Variants in PRDM16 observed in about 807,000 individuals in gnomAD.
PRDM16 encodes the protein PR/SET domain 16.
A neutral mutation model predicts 110.6 loss-of-function variants in PRDM16; 23 were observed. The ratio of observed to expected loss-of-function variants is 0.21; its 90% CI spans 0.15 to 0.29. The LOEUF (loss-of-function observed/expected upper bound fraction) is 0.29. PRDM16 is among the 10% of genes least tolerant of loss of function. The pLI, the probability that PRDM16 is intolerant of heterozygous loss-of-function variation, is 1.00. For synonymous variants in PRDM16, 799 were observed against 781.8 expected (o/e 1.02, Z -0.37); for missense variants, 1,615 against 1,794.3 (o/e 0.90, Z 1.81).
rs72632110 is a variant in PRDM16 at position 3,245,502 on chromosome 1, C to T, written c.438+1365C>T. Among the ~76,000 whole-genome samples the T allele has an allele frequency of 0.043, 6,467 of 152,092 alleles. 154 individuals are homozygous for T. Among genetic ancestry groups the T allele is most frequent in the Middle Eastern group, 0.051 (15 of 294 alleles). Reference sequence around the variant, plus strand: ...CCGCAGTGACCCGCTGAAGGGCCTCCGGAAACTGGGTGAACTGGTTCCCGT... The same window carrying T: ...CCGCAGTGACCCGCTGAAGGGCCTCTGGAAACTGGGTGAACTGGTTCCCGT... On this transcript the variant is annotated intron_variant, in intron 3 of 16. Transcript: ENST00000270722. The surrounding 1 kb of genome is among the most constrained non-coding windows in gnomAD (Gnocchi z 4.7).
chr1:3,394,445 C>G (rs1426735659), intron 4 of PRDM16: 4 of 403,658 alleles, frequency 9.9e-6, no homozygotes, highest in African/African-American at 2.5e-5. Context: ...GGAGGATGCC[C>G]GAGGTCTCAC....
rs904354143 is a variant in PRDM16 at position 3,080,087 on chromosome 1, G to A, written c.37+10791G>A. On this transcript the variant is annotated intron_variant, in intron 1 of 16. Coordinates refer to ENST00000270722, the MANE Select transcript of PRDM16 (RefSeq NM_022114.4). This position sits in a 1 kb window ranked among gnomAD's most constrained non-coding sequence, Gnocchi z 5.2. ...CGGCAGCGATCTGGAGCACTTTTCC[G>A]CACGCTGTAACCCCTGAGAAGAAAC... Among the ~76,000 whole-genome samples, 6 of 152,206 alleles carry A rather than the reference G, an allele frequency of 3.9e-5. No homozygotes were observed. The East Asian group carries it at 9.6e-4, about 24-fold the overall frequency.
chr1:3,329,706 C>T (rs939871185), intron 3 of PRDM16, among the ~76,000 whole-genome samples: 2 of 152,236 alleles, frequency 1.3e-5, no homozygotes, highest in African/African-American at 4.8e-5. Context: ...GAGTGTGATT[C>T]TGGCTGTGGG....
chr1:3,364,456 A>G (rs1642773899), intron 3 of PRDM16, among the ~76,000 whole-genome samples: 1 of 152,128 alleles, frequency 6.6e-6, no homozygotes, highest in South Asian at 2.1e-4. Context: ...CACCCACCCT[A>G]TCTGGGGCAC....
chr1:3,402,663 G>A, intron 5 of PRDM16, 128 bp from the exon 6 acceptor site: 1 of 751,442 alleles, frequency 1.3e-6, no homozygotes, highest in Non-Finnish European at 2.2e-6. Flanking sequence ...AGGAAGCAGT[G>A]CAGGACTGGC....
chr1:3,102,491 C>T (rs377013880), intron 1 of PRDM16, among the ~76,000 whole-genome samples: 2 of 152,238 alleles, frequency 1.3e-5, no homozygotes, highest in African/African-American at 4.8e-5. Flanking sequence ...CATCCCTGAG[C>T]TGCAGGTGGG....
At chr1:3,181,308 G>A (rs866490360) in intron 1 of PRDM16, among the ~76,000 whole-genome samples, 49 of 88,572 alleles carry the variant, frequency 5.5e-4, no homozygotes, top group African/African-American at 7.6e-4. Flanking sequence ...TCTTACACAC[G>A]GTCTTACACA....
chr1:3,431,814 C>T (rs760429925), intron 15 of PRDM16, 152 bp from the exon 16 acceptor site: 21 of 734,552 alleles, frequency 2.9e-5, no homozygotes, highest in Middle Eastern at 3.9e-4. Flanking sequence ...GTCCAGGCGT[C>T]TGTGTGTCCG....
intron 1 of PRDM16, among the ~76,000 whole-genome samples, chr1:3,178,091 C>T (rs1341163606): frequency 4.6e-5 from 7 of 152,116 alleles, no homozygotes; most frequent in Admixed American, 6.5e-5. Context: ...AATGATGGCC[C>T]GGTGTTTGGC....
At chr1:3,242,682 T>A (rs1273467459) in intron 2 of PRDM16, among the ~76,000 whole-genome samples, 1 of 152,232 alleles carries the variant, frequency 6.6e-6, no homozygotes, top group African/African-American at 2.4e-5. Flanking sequence ...TGGGCCCCAC[T>A]GTGACTGGGA....
intron 6 of PRDM16, 28 bp from the exon 7 acceptor site, chr1:3,404,711 C>T: frequency 6.2e-7 from 1 of 1,611,372 alleles, no homozygotes; most frequent in Non-Finnish European, 8.5e-7. Context: ...GTAGTCGGGC[C>T]CCGCAGTGAG....
rs1639798320 is a variant in PRDM16, at chr1:3,246,731, G to C, written c.438+2594G>C. On this transcript the variant is annotated intron_variant, in intron 3 of 16. Transcript: ENST00000270722. The surrounding 1 kb of genome is among the most constrained non-coding windows in gnomAD (Gnocchi z 5.2). ...GGATTCGAGTGTTTGCCAAGGCCAT[G>C]CTGGTGGGAGAATCAGATCCCTAAC... Among the ~76,000 whole-genome samples, 1 of 152,210 alleles carries C rather than the reference G, an allele frequency of 6.6e-6. No individual in the cohort carries two copies. The highest frequency in any genetic ancestry group is 1.5e-5 in the Non-Finnish European group (1 of 68,024).
chr1:3,409,295 C>G (rs1211251069), intron 8 of PRDM16, among the ~76,000 whole-genome samples: 1 of 151,842 alleles, frequency 6.6e-6, no homozygotes, highest in Non-Finnish European at 1.5e-5. Flanking sequence ...AGTGCCTCCC[C>G]GAGGGCCAGG....
chr1:3,217,818 C>A (rs1214775800), intron 2 of PRDM16, among the ~76,000 whole-genome samples: 1 of 152,208 alleles, frequency 6.6e-6, no homozygotes, highest in African/African-American at 2.4e-5. Flanking sequence ...CGCGCTCTTC[C>A]CCCTAGAAGT....
At chr1:3,385,113 A>G (rs778041551) in intron 3 of PRDM16, 39 bp from the exon 4 acceptor site, 1 of 1,612,006 alleles carries the variant, frequency 6.2e-7, no homozygotes, top group South Asian at 1.1e-5. Context: ...TCCAGCACAC[A>G]GGGCACCTCT....
intron 3 of PRDM16, among the ~76,000 whole-genome samples, chr1:3,297,610 G>A (rs901947000): frequency 1.3e-5 from 2 of 152,054 alleles, no homozygotes; most frequent in Admixed American, 6.6e-5. Flanking sequence ...GAGGACTGAG[G>A]GTGGCTTTAT....
chr1:3,345,984 G>A (rs1236238465), intron 3 of PRDM16, among the ~76,000 whole-genome samples: 4 of 152,254 alleles, frequency 2.6e-5, no homozygotes, highest in Admixed American at 2.6e-4. Context: ...CCATCCAGGG[G>A]CCTGCGGAGG....
intron 3 of PRDM16, among the ~76,000 whole-genome samples, chr1:3,252,941 G>A (rs2100224741): frequency 6.6e-6 from 1 of 152,270 alleles, no homozygotes; most frequent in Non-Finnish European, 1.5e-5. Flanking sequence ...TGTGCTCGTG[G>A]AGATGTGGCA....
At chr1:3,289,860 CA>C (rs1468937739) in intron 3 of PRDM16, among the ~76,000 whole-genome samples, 1 of 151,938 alleles carries the variant, frequency 6.6e-6, no homozygotes, top group Non-Finnish European at 1.5e-5. Flanking sequence ...CCACTCCCTC[CA>C]GGGCACCGAG....
Sources: allele counts gnomAD v4.1 joint callset (sites outside exome capture counted in the v4.1 genomes callset), GRCh38; gene constraint gnomAD v4.1.1; non-coding constraint Gnocchi (gnomAD v3.1); transcripts MANE v1.5; gene names NCBI Gene and HGNC (gene_info 2026-07-23, HGNC 2026-07-21).